The following RYR3 variants were observed in gnomAD, a reference collection of about 807,000 sequenced individuals.
The protein encoded by RYR3 is ryanodine receptor 3.
Under a neutral mutation model 584.3 loss-of-function variants are expected in RYR3, and 207 were observed. The observed-to-expected ratio is 0.35, with a 90% CI of 0.32 to 0.40. RYR3 has a LOEUF of 0.40. RYR3 is among the 10% of genes least tolerant of loss of function. RYR3 has a pLI of 1.00. For missense variants in RYR3, 5,616 were observed against 6,089.2 expected (o/e 0.92, Z 2.59); for synonymous variants, 2,416 against 2,248.5 (o/e 1.07, Z -2.11).
intron 99 of RYR3, 36 bp from the exon 100 acceptor site, chr15:33,859,539 A>T: frequency 6.2e-7 from 1 of 1,611,782 alleles, no homozygotes; most frequent in Non-Finnish European, 8.5e-7. Context: ...CAGAACTGTG[A>T]CTTTTGCCTA....
chr15:33,849,751 A>G (rs573077131), intron 94 of RYR3: 4 of 152,368 alleles, frequency 2.6e-5, no homozygotes, highest in Admixed American at 2.6e-4. Flanking sequence ...GCTGTGTCCT[A>G]TCCAAAGATG....
chr15:33,439,688 A>T (rs1400652249), intron 1 of RYR3, among the ~76,000 whole-genome samples: 1 of 152,192 alleles, frequency 6.6e-6, no homozygotes, highest in Non-Finnish European at 1.5e-5. Flanking sequence ...TTAATCCTAA[A>T]TCTTCACTTT....
At chr15:33,554,907 G>A (rs1160170417) in intron 10 of RYR3, among the ~76,000 whole-genome samples, 1 of 152,088 alleles carries the variant, frequency 6.6e-6, no homozygotes, top group Non-Finnish European at 1.5e-5. Context: ...TAATGTTAAA[G>A]CAGGCCATAT....
intron 60 of RYR3, 130 bp from the exon 61 acceptor site, chr15:33,768,528 A>T: frequency 1.3e-6 from 1 of 780,970 alleles, no homozygotes; most frequent in Non-Finnish European, 2.3e-6. Flanking sequence ...TGCTAGGAAC[A>T]TAGTGCATCT....
At chr15:33,603,416 G>T in intron 18 of RYR3, 52 bp downstream of exon 18, 1 of 1,496,028 alleles carries the variant, frequency 6.7e-7, no homozygotes, top group South Asian at 1.4e-5. Context: ...AATGATGGAG[G>T]CTCAAATTAT....
intron 74 of RYR3, among the ~76,000 whole-genome samples, chr15:33,813,995 TC>T (rs2076677447): frequency 6.6e-6 from 1 of 152,230 alleles, no homozygotes; most frequent in African/African-American, 2.4e-5. Flanking sequence ...AATTACCATT[TC>T]CTCAGCAGGT....
Position 33,861,194 on chromosome 15 carries a change from TAACAA to T in RYR3, c.14465+19_14465+23del. On this transcript the variant is annotated intron_variant, in intron 102 of 103. Transcript: ENST00000634891. ...CCAACTACTTGTGAGTATTCTTGGTTAACAAAAGTAATGGCAGCTGTAGCGTAAAT... is the reference window on the plus strand; with the variant it reads ...CCAACTACTTGTGAGTATTCTTGGTTAAGTAATGGCAGCTGTAGCGTAAAT... 1 of 1,549,074 alleles carries T rather than the reference TAACAA, an allele frequency of 6.5e-7. No homozygotes were observed. Among genetic ancestry groups the T allele is most frequent in the Non-Finnish European group, 8.8e-7 (1 of 1,136,314 alleles).
Position 33,477,829 on chromosome 15 carries a change from G to T in RYR3, c.171+4291G>T, listed in dbSNP as rs2339277. On this transcript the variant is annotated intron_variant, in intron 2 of 103. Coordinates refer to ENST00000634891, the MANE Select transcript of RYR3 (RefSeq NM_001036.6). Reference sequence around the variant, plus strand: ...GGCGGAGGTTGCAGTGAGCGGAGATGGCGCCACTGCACTCCAGCCTGGGCG... The same window carrying T: ...GGCGGAGGTTGCAGTGAGCGGAGATTGCGCCACTGCACTCCAGCCTGGGCG... 3.7e-4 allele frequency among the ~76,000 whole-genome samples: 41 copies of T among 110,518 alleles called. 1 individual carries two copies. The highest frequency in any genetic ancestry group is 2.6e-3 in the African/African-American group (33 of 12,674). 72.5% of individuals were successfully genotyped at this position (110,518 alleles called of 152,430 possible).
chr15:33,607,875 A>G (rs76479968), intron 18 of RYR3, among the ~76,000 whole-genome samples: 6 of 152,258 alleles, frequency 3.9e-5, no homozygotes, highest in Non-Finnish European at 8.8e-5. Flanking sequence ...CTATTGCTCT[A>G]TATAGATTAA....
At chr15:33,505,666 G>T (rs1367118812) in intron 3 of RYR3, among the ~76,000 whole-genome samples, 1 of 152,230 alleles carries the variant, frequency 6.6e-6, no homozygotes, top group Middle Eastern at 3.4e-3. Context: ...TAATTTTTTT[G>T]TATTTTTAGT....
At chr15:33,394,045 G>C (rs1212957259) in intron 1 of RYR3, among the ~76,000 whole-genome samples, 1 of 152,178 alleles carries the variant, frequency 6.6e-6, no homozygotes, top group East Asian at 1.9e-4. Context: ...AGTTATGTCA[G>C]GCTCCAAAGT....
At chr15:33,589,932 G>C (rs1242128687) in intron 16 of RYR3, among the ~76,000 whole-genome samples, 3 of 152,190 alleles carry the variant, frequency 2.0e-5, no homozygotes, top group Non-Finnish European at 2.9e-5. Flanking sequence ...CACCAAACAG[G>C]CTTTGTGTGA....
chr15:33,345,055 G>C (rs1972276402), intron 1 of RYR3, among the ~76,000 whole-genome samples: 1 of 152,196 alleles, frequency 6.6e-6, no homozygotes, highest in Admixed American at 6.5e-5. Flanking sequence ...TGAGAACTCA[G>C]GTTGTCTCGT....
At chr15:33,408,234 AC>A (rs1350055083) in intron 1 of RYR3, among the ~76,000 whole-genome samples, 1 of 152,140 alleles carries the variant, frequency 6.6e-6, no homozygotes, top group Non-Finnish European at 1.5e-5. Context: ...CTTAGCTGAC[AC>A]TTATAAGTGA....
chr15:33,345,310 TATC>T lies in RYR3; in HGVS notation c.51+34218_51+34220del, dbSNP rs1224775837. On this transcript the variant is annotated intron_variant, in intron 1 of 103. Transcript: ENST00000634891. ...CAGCATTACAAAGGACTATATAAGA[TATC>T]ATCTAGCAGCTATTTTATAATTTTC... Among the ~76,000 whole-genome samples the T allele has an allele frequency of 5.3e-5, 8 of 152,276 alleles. No individual in the cohort carries two copies. In the East Asian group the frequency reaches 1.3e-3, roughly 26 times the overall value.
chr15:33,478,105 G>T (rs931274839), intron 2 of RYR3, among the ~76,000 whole-genome samples: 1 of 137,058 alleles, frequency 7.3e-6, no homozygotes, highest in Non-Finnish European at 1.5e-5. Flanking sequence ...CACTTGAGGG[G>T]GTTGGGGGGG....
At chr15:33,410,149 A>G (rs1327817825) in intron 1 of RYR3, among the ~76,000 whole-genome samples, 4 of 152,228 alleles carry the variant, frequency 2.6e-5, no homozygotes, top group Non-Finnish European at 5.9e-5. Context: ...GAAGAACAGT[A>G]TAACTGGCCC....
chr15:33,456,939 A>G (rs2047611104), intron 1 of RYR3, among the ~76,000 whole-genome samples: 2 of 152,338 alleles, frequency 1.3e-5, no homozygotes, highest in Non-Finnish European at 2.9e-5. Context: ...AAGTCTCTCA[A>G]TTCCTGGGAT....
In RYR3 at chr15:33,838,897, T is replaced by A; in HGVS notation, c.12917T>A (p.Ile4306Asn). The A allele has an allele frequency of 1.2e-6, 2 of 1,613,864 alleles. No homozygotes were observed. The highest frequency in any genetic ancestry group is 1.7e-6 in the Non-Finnish European group (2 of 1,179,840). Residue 4306 changes from isoleucine to asparagine, a missense_variant, in exon 89 of 104, where the codon ATT becomes AAT. Physicochemically the swap from Ile to Asn is moderately radical, Grantham distance 149. This residue lies in a region of RYR3 where 918 missense variants were observed against 887.4 expected (regional missense o/e 1.03). Transcript: ENST00000634891. ...PEVGLGDLSE[I>N]IGKDEPPTLE... ...GTGGGTTTGGGTGACCTCTCAGAAA[T>A]TATTGGCAAGGATGAACCCCCTACA...
Sources: allele counts gnomAD v4.1 joint callset (sites outside exome capture counted in the v4.1 genomes callset), GRCh38; gene constraint gnomAD v4.1.1; regional missense constraint gnomAD v4.1.1; transcripts MANE v1.5; gene names NCBI Gene and HGNC (gene_info 2026-07-23, HGNC 2026-07-21).